The following BOK variants were observed in gnomAD, a reference collection of about 807,000 sequenced individuals.
BOK encodes BCL2 family apoptosis regulator BOK.
BOK carries 20 observed loss-of-function variants against 18.3 expected under a neutral mutation model. The ratio of observed to expected loss-of-function variants is 1.09; its 90% CI spans 0.77 to 1.59. BOK has a LOEUF of 1.59. Among genes scored for constraint, BOK ranks in the 40% most tolerant of loss-of-function variants. The probability of loss-of-function intolerance (pLI) is 0.00; values close to 1 mark genes in which losing one functional copy is unlikely to be tolerated. For synonymous variants in BOK, 173 were observed against 142.4 expected (o/e 1.21, Z -1.53); for missense variants, 348 against 307.9 (o/e 1.13, Z -0.97).
At chr2:241,564,970 A>G (rs1439163760) in intron 3 of BOK, among the ~76,000 whole-genome samples, 3 of 151,864 alleles carry the variant, frequency 2.0e-5, no homozygotes, top group East Asian at 3.9e-4. Flanking sequence ...GCCTGGCCTG[A>G]GGTGGGGGCG....
chr2:241,567,934 C>T lies in BOK; in HGVS notation c.350-2191C>T, dbSNP rs748936037. 4.6e-5 allele frequency among the ~76,000 whole-genome samples: 7 copies of T among 152,072 alleles called. 1 individual carries two copies. The highest frequency in any genetic ancestry group is 7.4e-5 in the Non-Finnish European group (5 of 68,022). On this transcript the variant is annotated intron_variant, in intron 3 of 4. Coordinates refer to ENST00000318407, the MANE Select transcript of BOK (RefSeq NM_032515.5). ...GAATGCCTGTGCCCGTGGCCGCCAC[C>T]GCCATTCCCCACCCCTCGCCCACTG...
intron 3 of BOK, among the ~76,000 whole-genome samples, chr2:241,563,354 C>T (rs2066561355): frequency 1.3e-5 from 2 of 152,230 alleles, no homozygotes; most frequent in African/African-American, 4.8e-5. Context: ...CCTCTGTGAC[C>T]TTGGGTCCTG....
chr2:241,567,012 A>G (rs1424921962), intron 3 of BOK, among the ~76,000 whole-genome samples: 1 of 134,802 alleles, frequency 7.4e-6, no homozygotes, highest in Non-Finnish European at 1.6e-5. Flanking sequence ...TATCAGTTAA[A>G]AAGACACAGA....
rs1559207627 is a variant in BOK at position 241,572,542 on chromosome 2, C to T, written c.*120C>T. 7.1e-7 allele frequency: 1 copy of T among 1,417,596 alleles called. No individual in the cohort carries two copies. Among genetic ancestry groups the T allele is most frequent in the Non-Finnish European group, 9.4e-7 (1 of 1,063,056 alleles). The allele number at this position is 1,417,596 out of a possible 1,614,324, so 87.8% of individuals were successfully genotyped here. A position where few individuals can be genotyped will look rare whatever the true frequency, so the allele number is the denominator to read the frequency against. On this transcript the variant is annotated 3_prime_UTR_variant, in exon 5 of 5. Coordinates refer to ENST00000318407, the MANE Select transcript of BOK (RefSeq NM_032515.5). ...CTGGAGCACTCTAACCCTCGGAGAC[C>T]CCCTAAGCCCCGTTCCTCCGCAGAC...
chr2:241,570,298 T>C lies in BOK; in HGVS notation c.513+10T>C. On this transcript the variant is annotated intron_variant, in intron 4 of 4. Coordinates refer to ENST00000318407, the MANE Select transcript of BOK (RefSeq NM_032515.5). ...GAGACGCGGCGGATGGGTGAGCGCC[T>C]GAGTGCCCGTGTGGGTGGGAGAGCT... The C allele has an allele frequency of 6.5e-7, 1 of 1,547,434 alleles. No homozygotes were observed. Among genetic ancestry groups the C allele is most frequent in the Non-Finnish European group, 8.7e-7 (1 of 1,147,014 alleles).
intron 3 of BOK, among the ~76,000 whole-genome samples, chr2:241,568,618 A>G (rs1479760563): frequency 1.3e-5 from 2 of 151,562 alleles, no homozygotes; most frequent in African/African-American, 2.4e-5. Flanking sequence ...GGGTTTCACC[A>G]TGTTGGCCGG....
chr2:241,561,372 A>G (rs577621955), intron 2 of BOK, among the ~76,000 whole-genome samples: 50 of 152,342 alleles, frequency 3.3e-4, no homozygotes, highest in African/African-American at 1.1e-3. Flanking sequence ...GCCACCTCCA[A>G]GCACATCCCC....
intron 1 of BOK, among the ~76,000 whole-genome samples, chr2:241,552,431 C>G (rs908372116): frequency 1.3e-5 from 2 of 152,206 alleles, no homozygotes; most frequent in African/African-American, 2.4e-5. Context: ...GGTCCACACC[C>G]TGTCCGGCCC....
intron 3 of BOK, among the ~76,000 whole-genome samples, chr2:241,566,484 T>A (rs1230473879): frequency 2.0e-5 from 3 of 151,648 alleles, no homozygotes; most frequent in Non-Finnish European, 4.4e-5. Flanking sequence ...TTGTTAGTAT[T>A]ATTTATATTA....
At chr2:241,564,489 G>A (rs535614013) in intron 3 of BOK, among the ~76,000 whole-genome samples, 15 of 152,128 alleles carry the variant, frequency 9.9e-5, no homozygotes, top group Non-Finnish European at 1.5e-4. Flanking sequence ...AGGCTGAGGC[G>A]TGTCATGGGG....
intron 4 of BOK, among the ~76,000 whole-genome samples, chr2:241,572,071 TC>T (rs2125057315): frequency 6.6e-6 from 1 of 152,326 alleles, no homozygotes; most frequent in African/African-American, 2.4e-5. Flanking sequence ...TGTCCCCACC[TC>T]CCGTGCCTCC....
intron 3 of BOK, among the ~76,000 whole-genome samples, chr2:241,564,186 C>CA (rs2066575421): frequency 6.6e-6 from 1 of 152,212 alleles, no homozygotes; most frequent in Non-Finnish European, 1.5e-5. Context: ...GATGGGAGTC[C>CA]AGGCGGGGTC....
At chr2:241,552,998 C>T (rs1034254312) in intron 1 of BOK, among the ~76,000 whole-genome samples, 1 of 152,204 alleles carries the variant, frequency 6.6e-6, no homozygotes, top group Non-Finnish European at 1.5e-5. Flanking sequence ...TGAAGGCCAC[C>T]GGGTAGTGGG....
chr2:241,571,170 G>A (rs888265251), intron 4 of BOK, among the ~76,000 whole-genome samples: 1 of 151,936 alleles, frequency 6.6e-6, no homozygotes, highest in African/African-American at 2.4e-5. Flanking sequence ...ACTTACCCCC[G>A]ATCCTACCCC....
upstream of BOK, among the ~76,000 whole-genome samples, chr2:241,557,097 T>A (rs537491359): frequency 6.6e-6 from 1 of 152,272 alleles, no homozygotes; most frequent in South Asian, 2.1e-4. Flanking sequence ...ATTTGTGTTA[T>A]CTTTTTTCTT....
In BOK at chr2:241,572,504, TC is replaced by T; in HGVS notation, c.*86del. ...TCAGCACCCGAACACATCTTCCTCC[TC>T]CCCACCCGAGCCTGGAGCACTCTAA... On this transcript the variant is annotated 3_prime_UTR_variant, in exon 5 of 5. Coordinates refer to ENST00000318407, the MANE Select transcript of BOK (RefSeq NM_032515.5). The T allele has an allele frequency of 6.6e-7, 1 of 1,513,316 alleles. No individual in the cohort carries two copies. Among genetic ancestry groups the T allele is most frequent in the Non-Finnish European group, 8.8e-7 (1 of 1,131,654 alleles). 93.7% of individuals were successfully genotyped at this position (1,513,316 alleles called of 1,614,324 possible).
At chr2:241,560,311 C>T (rs549662940) in intron 2 of BOK, 4 of 976,476 alleles carry the variant, frequency 4.1e-6, no homozygotes, top group South Asian at 4.7e-5. Context: ...ACTGTCCAGT[C>T]CCCTCACCAC....
intron 2 of BOK, chr2:241,559,977 T>G (rs2125045123): frequency 4.0e-6 from 3 of 746,022 alleles, no homozygotes; most frequent in Non-Finnish European, 4.9e-6. Flanking sequence ...AATCTATTAG[T>G]GGGTGGCTAA....
chr2:241,559,603 C>G lies in BOK; in HGVS notation c.120C>G (p.His40Gln). ...QAKALGREYVHARLLRAGLSW... is the reference protein window; with the variant it reads ...QAKALGREYVQARLLRAGLSW... The stretch of plus-strand genomic sequence containing the variant: ...AGGCGCTGGGCCGGGAGTACGTGCA[C>G]GCGCGGCTGCTGCGCGCCGGCCTCT... Residue 40 changes from histidine to glutamine, a missense_variant, in exon 2 of 5, where the codon CAC becomes CAG. Physicochemically the swap from His to Gln is conservative, Grantham distance 24. Transcript: ENST00000318407. 1 of 1,486,422 alleles carries G rather than the reference C, an allele frequency of 6.7e-7. No homozygotes were observed. The highest frequency in any genetic ancestry group is 1.3e-5 in the South Asian group (1 of 78,412). The allele number at this position is 1,486,422 out of a possible 1,614,324, so 92.1% of individuals were successfully genotyped here.
Sources: gnomAD v4.1 joint callset for allele counts (sites outside exome capture counted in the v4.1 genomes callset) on GRCh38, gnomAD v4.1.1 for gene constraint, MANE v1.5 for transcripts, NCBI Gene and HGNC (gene_info 2026-07-23, HGNC 2026-07-21) for gene names.